Variants in ARID4B observed in about 807,000 individuals in gnomAD.
ARID4B encodes the protein AT-rich interaction domain 4B, also known as AT-rich interactive domain-containing protein 4B.
ARID4B carries 26 observed loss-of-function variants against 147.5 expected under a neutral mutation model. That is an observed-to-expected ratio of 0.18 (90% CI 0.13 to 0.24). The LOEUF is 0.24. Ranked by LOEUF, ARID4B falls within the 10% of genes least tolerant of loss-of-function variation. ARID4B has a pLI of 1.00. For missense variants in ARID4B, 1,179 were observed against 1,511.5 expected, an observed-to-expected ratio of 0.78 and a Z score of 3.65; for synonymous variants, 512 against 507.9, an observed-to-expected ratio of 1.01 and a Z score of -0.11.
intron 2 of ARID4B, among the ~76,000 whole-genome samples, chr1:235,282,973 G>C (rs926096717): frequency 6.6e-5 from 10 of 151,950 alleles, no homozygotes; most frequent in African/African-American, 2.4e-4. Flanking sequence ...GTAGAGACGG[G>C]GTTTCACCGT....
intron 11 of ARID4B, among the ~76,000 whole-genome samples, chr1:235,226,143 G>C (rs1667812209): frequency 6.6e-6 from 1 of 152,070 alleles, no homozygotes. Flanking sequence ...CTACAGATTT[G>C]CTTTTACAAA....
chr1:235,231,726 G>C (rs572817469), intron 9 of ARID4B, among the ~76,000 whole-genome samples: 4 of 152,146 alleles, frequency 2.6e-5, no homozygotes, highest in Non-Finnish European at 4.4e-5. Context: ...AACCTCAACT[G>C]ATCCACCCAC....
At chr1:235,171,014 A>C (rs1207147694) in intron 23 of ARID4B, among the ~76,000 whole-genome samples, 4 of 151,746 alleles carry the variant, frequency 2.6e-5, no homozygotes, top group Admixed American at 2.6e-4. Context: ...GTTCCATATC[A>C]GTACATACAG....
chr1:235,179,002 G>A (rs139704468), intron 20 of ARID4B, among the ~76,000 whole-genome samples: 340 of 152,136 alleles, frequency 2.2e-3, no homozygotes, highest in Non-Finnish European at 3.4e-3. Flanking sequence ...TAAAGGAGAC[G>A]TAGATATTGA....
At position 235,182,081 on chromosome 1, in the gene ARID4B, G is replaced by A; in HGVS notation, c.2838C>T (p.Asp946=). The A allele has an allele frequency of 6.2e-7, 1 of 1,614,160 alleles. No individual in the cohort carries two copies. The highest frequency in any genetic ancestry group is 1.1e-5 in the South Asian group (1 of 91,086). The change falls in exon 20 of 24, where the codon GAC becomes GAT. Residue 946 remains aspartate, a synonymous_variant. Coordinates refer to ENST00000264183, the MANE Select transcript of ARID4B (RefSeq NM_016374.6). ...PKKTLKELFS[D]SDTEAAASPP... is the part of the protein sequence containing the mutation. ...GGGAAGCTGCAGCCTCAGTATCAGAGTCTGAAAAAAGCTCTTTCAGCGTTT... is the reference window on the plus strand; with the variant it reads ...GGGAAGCTGCAGCCTCAGTATCAGAATCTGAAAAAAGCTCTTTCAGCGTTT...
In ARID4B at chr1:235,261,337, T is replaced by C. The variant is rs141437039; in HGVS notation, c.7-585A>G. 6.4e-4 allele frequency among the ~76,000 whole-genome samples: 97 copies of C among 152,066 alleles called. No individual in the cohort carries two copies. The South Asian group carries it at 0.011, about 17-fold the overall frequency. On this transcript the variant is annotated intron_variant, in intron 2 of 23. Coordinates refer to ENST00000264183, the MANE Select transcript of ARID4B (RefSeq NM_016374.6). ...GAGTTTGAGACCACCCCAAGCAACA[T>C]AGGGAAAACTCAACTCTACAAAATA...
At chr1:235,198,150 T>G (rs926426786) in intron 17 of ARID4B, among the ~76,000 whole-genome samples, 7 of 152,226 alleles carry the variant, frequency 4.6e-5, no homozygotes, top group African/African-American at 1.7e-4. Context: ...TGGCTGCACA[T>G]AACATTAATG....
chr1:235,265,339 C>A (rs1411487758), intron 2 of ARID4B, among the ~76,000 whole-genome samples: 1 of 151,666 alleles, frequency 6.6e-6, no homozygotes, highest in Non-Finnish European at 1.5e-5. Context: ...GCACTCCAGC[C>A]CAGGCGACAC....
intron 3 of ARID4B, among the ~76,000 whole-genome samples, chr1:235,258,226 G>A (rs990904820): frequency 2.6e-5 from 4 of 152,146 alleles, no homozygotes; most frequent in African/African-American, 4.8e-5. Context: ...CAGCTACTCC[G>A]GAGGCTTAGG....
At chr1:235,310,572 A>C (rs184862359) in intron 2 of ARID4B, among the ~76,000 whole-genome samples, 1 of 152,358 alleles carries the variant, frequency 6.6e-6, no homozygotes, top group Non-Finnish European at 1.5e-5. Context: ...TGTGCCATAT[A>C]ACTGTACGGT....
At chr1:235,234,368 A>C in intron 9 of ARID4B, 45 bp downstream of exon 9, 1 of 1,210,700 alleles carries the variant, frequency 8.3e-7, no homozygotes, top group Non-Finnish European at 1.2e-6. Context: ...AAATAACAGC[A>C]TATATTTATA....
At chr1:235,188,492 T>A (rs1664848682) in intron 19 of ARID4B, among the ~76,000 whole-genome samples, 1 of 152,192 alleles carries the variant, frequency 6.6e-6, no homozygotes, top group Admixed American at 6.5e-5. Context: ...GGTTGGAAGG[T>A]GACTGCCCTT....
intron 23 of ARID4B, among the ~76,000 whole-genome samples, chr1:235,170,471 G>T (rs1338891762): frequency 6.6e-6 from 1 of 152,098 alleles, no homozygotes; most frequent in African/African-American, 2.4e-5. Flanking sequence ...GGGCACGGTG[G>T]CTCACACCTG....
chr1:235,190,385 C>G (rs764297518), intron 19 of ARID4B, among the ~76,000 whole-genome samples: 2 of 151,824 alleles, frequency 1.3e-5, no homozygotes, highest in Admixed American at 6.6e-5. Context: ...GAGGCAGAGG[C>G]TGCAGTAAGC....
At chr1:235,284,195 A>G (rs1671834316) in intron 2 of ARID4B, among the ~76,000 whole-genome samples, 1 of 152,064 alleles carries the variant, frequency 6.6e-6, no homozygotes, top group Non-Finnish European at 1.5e-5. Flanking sequence ...CCCCATCTCT[A>G]CTAAACATAC....
chr1:235,262,473 A>C (rs1343676050), intron 2 of ARID4B, among the ~76,000 whole-genome samples: 1 of 152,180 alleles, frequency 6.6e-6, no homozygotes, highest in Non-Finnish European at 1.5e-5. Flanking sequence ...AATACTTTCT[A>C]ATTTTTTTAT....
In ARID4B at chr1:235,185,986, T is replaced by G. The variant is rs1351333983; in HGVS notation, c.2126-3193A>C. Among the ~76,000 whole-genome samples the G allele has an allele frequency of 9.2e-5, 14 of 151,944 alleles. No homozygotes were observed. In the East Asian group the frequency reaches 2.7e-3, roughly 29 times the overall value. ...TCTTTAGTTATTTGCTTTTTTTTTTTTTGAGACTGAGTCTTGCTCTGTCAT... is the reference window on the plus strand; with the variant it reads ...TCTTTAGTTATTTGCTTTTTTTTTTGTTGAGACTGAGTCTTGCTCTGTCAT... On this transcript the variant is annotated intron_variant, in intron 19 of 23. Coordinates refer to ENST00000264183, the MANE Select transcript of ARID4B (RefSeq NM_016374.6).
At position 235,270,231 on chromosome 1, in the gene ARID4B, C is replaced by T. The variant is rs544687716; in HGVS notation, c.7-9479G>A. ...CCAGGAGGTGGTGCTTGCAGTGAGC[C>T]GAGATCATGCCACTGGACTCCAGCC... On this transcript the variant is annotated intron_variant, in intron 2 of 23. Transcript: ENST00000264183. 1.1e-3 allele frequency among the ~76,000 whole-genome samples: 173 copies of T among 152,000 alleles called. 1 individual carries two copies. Among genetic ancestry groups the T allele is most frequent in the African/African-American group, 4.1e-3 (169 of 41,424 alleles).
At chr1:235,325,838 T>C (rs1675194000) in intron 2 of ARID4B, among the ~76,000 whole-genome samples, 1 of 152,228 alleles carries the variant, frequency 6.6e-6, no homozygotes, top group African/African-American at 2.4e-5. Flanking sequence ...TAGACCAAGA[T>C]TTAAGTAGCC....
Sources: allele counts gnomAD v4.1 joint callset (sites outside exome capture counted in the v4.1 genomes callset), GRCh38; gene constraint gnomAD v4.1.1; transcripts MANE v1.5; gene names NCBI Gene and HGNC (gene_info 2026-07-23, HGNC 2026-07-21).